Variants in SMTN observed in about 807,000 individuals in gnomAD.
SMTN encodes smoothelin.
Under a neutral mutation model 102.0 loss-of-function variants are expected in SMTN, and 58 were observed. The ratio of observed to expected loss-of-function variants is 0.57; its 90% CI spans 0.46 to 0.71. The LOEUF (loss-of-function observed/expected upper bound fraction) is 0.71, where lower values mean the gene tolerates loss of function less well. SMTN is among the 30% of genes least tolerant of loss of function. The pLI, the probability that SMTN is intolerant of heterozygous loss-of-function variation, is 0.00. For missense variants in SMTN, 1,185 were observed against 1,241.7 expected (o/e 0.95, Z 0.69); for synonymous variants, 478 against 497.9 (o/e 0.96, Z 0.53).
At chr22:31,074,084 C>G (rs990581529) in intron 1 of SMTN, among the ~76,000 whole-genome samples, 1 of 152,218 alleles carries the variant, frequency 6.6e-6, no homozygotes. Flanking sequence ...ATTCTATTGG[C>G]CAAAAATAGT....
chr22:31,098,886 G>T lies in SMTN; in HGVS notation c.2333+46G>T, dbSNP rs570585047. The T allele has an allele frequency of 6.8e-5, 105 of 1,551,300 alleles. No individual in the cohort carries two copies. The African/African-American group carries it at 1.3e-3, about 19-fold the overall frequency. ...GGGCAGTGGGGGGCGGGGCGTGATA[G>T]GCAGTGGGGGGCGGGGCTTGATAGT... On this transcript the variant is annotated intron_variant, in intron 17 of 20. Transcript: ENST00000333137.
Position 31,104,418 on chromosome 22 carries a change from C to T in SMTN, c.*123C>T. 1 of 1,614,154 alleles carries T rather than the reference C, an allele frequency of 6.2e-7. No individual in the cohort carries two copies. The highest frequency in any genetic ancestry group is 8.5e-7 in the Non-Finnish European group (1 of 1,180,008). ...TCTTCACCTATGTGCAGTCGCTCTA[C>T]AACCACCTGCGACGCCACGAACTGC... is the stretch of plus-strand genomic sequence containing the variant. On this transcript the variant is annotated 3_prime_UTR_variant, in exon 21 of 21. Transcript: ENST00000333137.
intron 1 of SMTN, chr22:31,082,835 G>GTGCACCCCC: frequency 6.6e-7 from 1 of 1,504,684 alleles, no homozygotes. Flanking sequence ...GCACCCCCTG[G>GTGCACCCCC]TGGTAAGCAC....
In SMTN at chr22:31,093,794, A is replaced by T. The variant is rs763294085; in HGVS notation, c.1633-1509A>T. The stretch of plus-strand genomic sequence containing the variant: ...GAGGCCCTCTTTCAGGCTGCCGAGG[A>T]TGCCGGGACCCCCGTGGCCCACCCA... On this transcript the variant is annotated intron_variant, in intron 11 of 20. Coordinates refer to ENST00000333137, the MANE Select transcript of SMTN (RefSeq NM_134269.3). 46 of 1,594,184 alleles carry T rather than the reference A, an allele frequency of 2.9e-5. No individual in the cohort carries two copies. The highest frequency in any genetic ancestry group is 3.6e-5 in the Non-Finnish European group (42 of 1,176,670).
upstream of SMTN, among the ~76,000 whole-genome samples, chr22:31,079,033 T>C (rs1486416440): frequency 1.3e-5 from 2 of 152,228 alleles, no homozygotes; most frequent in African/African-American, 2.4e-5. Flanking sequence ...TGAATGCCTT[T>C]ACTAGGCCAA....
intron 11 of SMTN, chr22:31,093,322 G>A (rs1266664517): frequency 1.0e-5 from 3 of 296,186 alleles, no homozygotes; most frequent in Non-Finnish European, 2.0e-5. Context: ...GGGAGGCAGG[G>A]GCGGGGCAGG....
chr22:31,077,029 C>T (rs2042146466), upstream of SMTN, among the ~76,000 whole-genome samples: 1 of 152,204 alleles, frequency 6.6e-6, no homozygotes. Flanking sequence ...TACAGATGGG[C>T]AGACTGAGGC....
chr22:31,088,449 C>T (rs978614684), intron 3 of SMTN, 64 bp from the exon 4 acceptor site: 10 of 1,459,350 alleles, frequency 6.9e-6, no homozygotes, highest in Admixed American at 5.2e-5. Context: ...GGCTCCTACC[C>T]TTAGCCCACA....
In SMTN at chr22:31,091,457, G is replaced by A. The variant is rs554286279; in HGVS notation, c.1434G>A (p.Leu478=). Residue 478 remains leucine (L), a synonymous_variant, in exon 10 of 21, where the codon CTG becomes CTA. Coordinates refer to ENST00000333137, the MANE Select transcript of SMTN (RefSeq NM_134269.3). The part of the protein sequence containing the change: ...GRGQASTGRV[L]LPTGNQRAEL... Reference sequence around the variant, plus strand: ...GCCAGGCCTCCACAGGCCGGGTGCTGCTGCCCACAGGCAACCAGAGGGCAG... The same window carrying A: ...GCCAGGCCTCCACAGGCCGGGTGCTACTGCCCACAGGCAACCAGAGGGCAG... 9.8e-6 allele frequency: 15 copies of A among 1,526,114 alleles called. No individual in the cohort carries two copies. In the African/African-American group the frequency reaches 1.5e-4, roughly 15 times the overall value. 94.5% of individuals were successfully genotyped at this position (1,526,114 alleles called of 1,614,324 possible). A position where few individuals can be genotyped will look rare whatever the true frequency, so the allele number is the denominator to read the frequency against.
At chr22:31,064,751 C>A (rs2041802715) in intron 1 of SMTN, 2 of 152,096 alleles carry the variant, frequency 1.3e-5, no homozygotes, top group African/African-American at 2.4e-5. Flanking sequence ...CTTACAGAAA[C>A]GTTGCAAAAA....
chr22:31,090,824 A>G lies in SMTN; in HGVS notation c.882A>G (p.Arg294=), dbSNP rs1602629086. 6.2e-7 allele frequency: 1 copy of G among 1,613,076 alleles called. No individual in the cohort carries two copies. Among genetic ancestry groups the G allele is most frequent in the Admixed American group, 1.7e-5 (1 of 59,950 alleles). ...DTKRADVAGP[R]PCQRSLSVLS... ...ACCTGCCAGACGTGGCTGGACCCCG[A>G]CCCTGCCAACGCTCCCTGTCGGTGC... The change falls in exon 9 of 21, where the codon CGA becomes CGG. Residue 294 remains arginine, a synonymous_variant. Coordinates refer to ENST00000333137, the MANE Select transcript of SMTN (RefSeq NM_134269.3).
chr22:31,094,434 G>T (rs1288560973), intron 11 of SMTN, among the ~76,000 whole-genome samples: 1 of 152,250 alleles, frequency 6.6e-6, no homozygotes. Flanking sequence ...AAGGTAGCAG[G>T]CAGATGGGGG....
rs200403667 is a variant in SMTN at position 31,096,830 on chromosome 22, C to G, written c.1959C>G (p.His653Gln). ...GNTATETTTR[H>Q]SQRAADGSAV... ...CAGCCACTGAGACCACCACGAGGCA[C>G]AGCCAGCGGGCAGCTGATGGCTCTG... The change falls in exon 14 of 21, where the codon CAC (histidine) becomes CAG (glutamine). Residue 653 changes from histidine (H) to glutamine (Q), a missense_variant. Physicochemically the swap from His to Gln is conservative, Grantham distance 24 (BLOSUM62 0). Coordinates refer to ENST00000333137, the MANE Select transcript of SMTN (RefSeq NM_134269.3). The G allele has an allele frequency of 5.9e-4, 922 of 1,575,048 alleles. 20 individuals carry two copies. In the South Asian group the frequency reaches 8.5e-3, roughly 14 times the overall value.
At chr22:31,099,006 C>T in intron 17 of SMTN, 56 bp from the exon 18 acceptor site, 1 of 1,557,984 alleles carries the variant, frequency 6.4e-7, no homozygotes, top group Non-Finnish European at 8.8e-7. Context: ...CTGGGTGGGC[C>T]CACCGAGGCA....
chr22:31,091,063 TC>T lies in SMTN; in HGVS notation c.1042del (p.Gln348ArgfsTer9). On this transcript the variant is annotated frameshift_variant, in exon 10 of 21. Transcript: ENST00000333137. LOFTEE classifies it high-confidence loss of function. Reference protein sequence around the residue: ...FTSDSPMAARLQDGTPQAALS... With the variant: ...FTSDSPMAARXQDGTPQAALS... ...TCTGATTCTCCTATGGCTGCTAGGC[TC>T]CAGGATGGCACACCCCAGGCTGCCC... 2 of 1,613,786 alleles carry T rather than the reference TC, an allele frequency of 1.2e-6. No individual in the cohort carries two copies. Among genetic ancestry groups the T allele is most frequent in the Non-Finnish European group, 1.7e-6 (2 of 1,179,912 alleles).
At position 31,095,924 on chromosome 22, in the gene SMTN, T is replaced by C; in HGVS notation, c.1861+315T>C. The C allele has an allele frequency of 2.3e-6, 1 of 434,028 alleles. No homozygotes were observed. Among genetic ancestry groups the C allele is most frequent in the Non-Finnish European group, 4.2e-6 (1 of 239,082 alleles). 26.9% of individuals were successfully genotyped at this position (434,028 alleles called of 1,614,324 possible). A position where few individuals can be genotyped will look rare whatever the true frequency, so the allele number is the denominator to read the frequency against. On this transcript the variant is annotated intron_variant, in intron 13 of 20. Coordinates refer to ENST00000333137, the MANE Select transcript of SMTN (RefSeq NM_134269.3). The surrounding 1 kb of genome is among the most constrained non-coding windows in gnomAD (Gnocchi z 4.1). ...CTCTCAAAGTACTGTCAACGACTCC[T>C]TCCCTGAATCCAGATACTCCTTCTC...
Position 31,095,195 on chromosome 22 carries a change from T to G in SMTN, c.1633-108T>G. 1 of 1,192,100 alleles carries G rather than the reference T, an allele frequency of 8.4e-7. No individual in the cohort carries two copies. Among genetic ancestry groups the G allele is most frequent in the Non-Finnish European group, 1.2e-6 (1 of 844,318 alleles). 73.8% of individuals were successfully genotyped at this position (1,192,100 alleles called of 1,614,324 possible). A position where few individuals can be genotyped will look rare whatever the true frequency, so the allele number is the denominator to read the frequency against. ...GGCAGGCTGGCAGGCTAGTGGTTAT[T>G]TCCAAGGCGTGCCAGCAACCCTAGG... On this transcript the variant is annotated intron_variant, in intron 11 of 20. Transcript: ENST00000333137. The surrounding 1 kb of genome is among the most constrained non-coding windows in gnomAD (Gnocchi z 4.1).
intron 11 of SMTN, among the ~76,000 whole-genome samples, chr22:31,092,709 G>C (rs914967210): frequency 6.6e-6 from 1 of 152,200 alleles, no homozygotes; most frequent in African/African-American, 2.4e-5. Context: ...GGGGTGGGGT[G>C]GGGGGACCCG....
At chr22:31,103,724 C>G (rs151208155) in intron 20 of SMTN, 2,338 of 154,712 alleles carry the variant, frequency 0.015, 33 homozygotes, top group Non-Finnish European at 0.025. Flanking sequence ...TTAGAGAACC[C>G]CTCTGCTGCC....
Sources: allele counts gnomAD v4.1 joint callset (sites outside exome capture counted in the v4.1 genomes callset), GRCh38; gene constraint gnomAD v4.1.1; non-coding constraint Gnocchi (gnomAD v3.1); transcripts MANE v1.5; gene names NCBI Gene and HGNC (gene_info 2026-07-23, HGNC 2026-07-21).